The following MTNAP1 variants were observed in gnomAD, a reference collection of about 807,000 sequenced individuals.
MTNAP1 encodes the protein mitochondrial nucleoid associated protein 1.
At chr17:73,242,407 GTT>G in the MTNAP1 span, 1 of 1,233,572 alleles carries the variant, frequency 8.1e-7, no homozygotes, top group African/African-American at 1.5e-5. Context: ...ATTTGGAAAA[GTT>G]TCTCTTCGGG....
chr17:73,245,447 G>C, the MTNAP1 span: 2 of 1,159,468 alleles, frequency 1.7e-6, no homozygotes, highest in Non-Finnish European at 2.1e-6. Context: ...AGAAAAACTA[G>C]TTTTGTTTAA....
chr17:73,244,240 T>A, the MTNAP1 span, among the ~76,000 whole-genome samples: 1 of 152,108 alleles, frequency 6.6e-6, no homozygotes, highest in African/African-American at 2.4e-5. Flanking sequence ...ATAATTAAAT[T>A]TTTGTGCTGG....
At chr17:73,243,004 G>A in the MTNAP1 span, 2 of 1,607,946 alleles carry the variant, frequency 1.2e-6, no homozygotes, top group South Asian at 2.2e-5. Context: ...AGACGTCTGA[G>A]TAAGTCTTTC....
chr17:73,235,954 A>G, the MTNAP1 span: 1 of 1,614,238 alleles, frequency 6.2e-7, no homozygotes, highest in Non-Finnish European at 8.5e-7. Flanking sequence ...AGATTTGCCT[A>G]AATCAGGAGA....
At chr17:73,236,164 T>G in the MTNAP1 span, 1 of 1,614,124 alleles carries the variant, frequency 6.2e-7, no homozygotes, top group East Asian at 2.2e-5. Context: ...TACTGGTGAT[T>G]GTCATATTTC....
At chr17:73,245,681 A>G in the MTNAP1 span, 1 of 985,454 alleles carries the variant, frequency 1.0e-6, no homozygotes, top group African/African-American at 1.7e-5. Context: ...AGATCTTGAT[A>G]AGGTGTGAGA....
the MTNAP1 span, among the ~76,000 whole-genome samples, chr17:73,239,860 G>C: frequency 1.2e-4 from 19 of 152,170 alleles, no homozygotes; most frequent in Non-Finnish European, 5.9e-5. Context: ...TGTTCATGCA[G>C]TAAGTGACAG....
the MTNAP1 span, chr17:73,247,312 G>A: frequency 7.3e-4 from 1,171 of 1,614,198 alleles, 3 homozygotes; most frequent in Non-Finnish European, 8.5e-4. Flanking sequence ...GACGACTGGG[G>A]ATTGCCGCTC....
At chr17:73,247,595 A>G in the MTNAP1 span, 1 of 415,380 alleles carries the variant, frequency 2.4e-6, no homozygotes, top group Non-Finnish European at 4.4e-6. Context: ...CCCTGAAAAT[A>G]AGTTATTTAA....
chr17:73,237,478 T>G, the MTNAP1 span, among the ~76,000 whole-genome samples: 78,311 of 151,832 alleles, frequency 0.52, 20,279 homozygotes, highest in East Asian at 0.62. Flanking sequence ...CTTGCTTCAG[T>G]GGTCAGTAGT....
the MTNAP1 span, chr17:73,232,793 A>C: frequency 6.5e-6 from 1 of 153,546 alleles, no homozygotes; most frequent in South Asian, 2.0e-4. Context: ...TCTGGGGGAG[A>C]CTCTCCTGAG....
At chr17:73,243,086 T>TG in the MTNAP1 span, 11,342 of 987,214 alleles carry the variant, frequency 0.011, 346 homozygotes, top group African/African-American at 0.1. Flanking sequence ...AATTTTTTTT[T>TG]TTTTTTTTTT....
the MTNAP1 span, among the ~76,000 whole-genome samples, chr17:73,239,552 T>C: frequency 6.7e-6 from 1 of 149,466 alleles, no homozygotes; most frequent in Admixed American, 6.7e-5. Context: ...AGAGTCTTGC[T>C]CTGTCTCCCA....
chr17:73,236,588 C>A, the MTNAP1 span: 3 of 1,614,162 alleles, frequency 1.9e-6, no homozygotes, highest in South Asian at 2.2e-5. Context: ...CATTCTGTAT[C>A]GCAGTCAAGT....
the MTNAP1 span, chr17:73,248,470 G>A: frequency 6.4e-7 from 1 of 1,550,790 alleles, no homozygotes; most frequent in Non-Finnish European, 8.7e-7. Flanking sequence ...GCATTGGAGT[G>A]CCCCGCTAGG....
the MTNAP1 span, chr17:73,242,967 T>G: frequency 6.2e-7 from 1 of 1,614,016 alleles, no homozygotes; most frequent in Non-Finnish European, 8.5e-7. Flanking sequence ...CACAGGATAC[T>G]TCGTCCTGTG....
the MTNAP1 span, among the ~76,000 whole-genome samples, chr17:73,234,930 CTGGGCG>C: frequency 2.0e-5 from 3 of 152,042 alleles, no homozygotes; most frequent in African/African-American, 7.2e-5. Flanking sequence ...TAACCTTTGG[CTGGGCG>C]TGGGCGTGGT....
chr17:73,234,139 A>T, the MTNAP1 span, among the ~76,000 whole-genome samples: 74 of 152,294 alleles, frequency 4.9e-4, 1 homozygote, highest in African/African-American at 1.5e-3. Flanking sequence ...ATTGTATGCC[A>T]GGCTCAGTGC....
chr17:73,247,459 T>C, the MTNAP1 span: 2 of 972,256 alleles, frequency 2.1e-6, no homozygotes, highest in Non-Finnish European at 3.2e-6. Context: ...AGGGATAGCT[T>C]TTCAGCCCTC....
Sources: gnomAD v4.1 joint callset for allele counts (sites outside exome capture counted in the v4.1 genomes callset) on GRCh38, gnomAD v4.1.1 for gene constraint, MANE v1.5 for transcripts, NCBI Gene and HGNC (gene_info 2026-07-23, HGNC 2026-07-21) for gene names.